Variants in PFKFB3 observed in about 807,000 individuals in gnomAD.
PFKFB3 encodes the protein 6-phosphofructo-2-kinase/fructose-2,6-biphosphatase 3.
Under a neutral mutation model 68.0 loss-of-function variants are expected in PFKFB3, and 33 were observed. The observed-to-expected ratio is 0.49, with a 90% confidence interval of 0.37 to 0.65. PFKFB3 has a LOEUF of 0.65. Ranked by LOEUF, PFKFB3 falls within the 30% of genes least tolerant of loss-of-function variation. PFKFB3 has a pLI of 0.00. For synonymous variants in PFKFB3, 315 were observed against 288.2 expected, an observed-to-expected ratio of 1.09 and a Z score of -0.94; for missense variants, 586 against 712.2, an observed-to-expected ratio of 0.82 and a Z score of 2.02.
At chr10:6,211,741 T>C (rs1171951484) in intron 1 of PFKFB3, among the ~76,000 whole-genome samples, 1 of 152,210 alleles carries the variant, frequency 6.6e-6, no homozygotes, top group Admixed American at 6.5e-5. Flanking sequence ...TCTAGGTCAC[T>C]GGACATCAAG....
chr10:6,268,172 G>A, the PFKFB3 span, among the ~76,000 whole-genome samples: 1 of 152,062 alleles, frequency 6.6e-6, no homozygotes, highest in Non-Finnish European at 1.5e-5. Context: ...GTTGAGATTA[G>A]GTGTGGAATT....
At chr10:6,249,441 A>G (rs552367222) in intron 14 of PFKFB3, among the ~76,000 whole-genome samples, 3 of 152,372 alleles carry the variant, frequency 2.0e-5, no homozygotes, top group Admixed American at 6.5e-5. Flanking sequence ...TGGAACCAAC[A>G]TAAGTGTTCA....
At position 6,207,010 on chromosome 10, in the gene PFKFB3, G is replaced by T. The variant is rs1843815064; in HGVS notation, c.76+3674G>T. On this transcript the variant is annotated intron_variant, in intron 1 of 14. Transcript: ENST00000379775. ...CCCAGACGATGGGTGGCCAGGCAGAGACGCTCCTCACTTCCCAGATGGGGT... is the reference window on the plus strand; with the variant it reads ...CCCAGACGATGGGTGGCCAGGCAGATACGCTCCTCACTTCCCAGATGGGGT... Among the ~76,000 whole-genome samples the T allele has an allele frequency of 1.3e-5, 2 of 150,182 alleles. 1 individual carries two copies.
downstream of PFKFB3, among the ~76,000 whole-genome samples, chr10:6,240,276 T>C (rs1382508275): frequency 6.6e-6 from 1 of 152,020 alleles, no homozygotes; most frequent in Non-Finnish European, 1.5e-5. Flanking sequence ...AGTAGGTATG[T>C]ATTTTTGAGA....
At chr10:6,300,465 G>A in the PFKFB3 span, among the ~76,000 whole-genome samples, 5 of 152,142 alleles carry the variant, frequency 3.3e-5, no homozygotes, top group African/African-American at 4.8e-5. Context: ...CCATGCCCCC[G>A]GCAGCTCCCT....
chr10:6,221,281 C>A, intron 8 of PFKFB3, 100 bp from the exon 9 acceptor site: 1 of 1,429,640 alleles, frequency 7.0e-7, no homozygotes, highest in Non-Finnish European at 9.5e-7. Flanking sequence ...ACGGTGTAAC[C>A]AGGTAGTGCA....
intron 1 of PFKFB3, among the ~76,000 whole-genome samples, chr10:6,159,240 C>T (rs1659823020): frequency 6.6e-6 from 1 of 151,830 alleles, no homozygotes; most frequent in African/African-American, 2.4e-5. Flanking sequence ...ACTAGAAATA[C>T]AAAAATTAGC....
chr10:6,206,300 T>G (rs4750081), intron 1 of PFKFB3, among the ~76,000 whole-genome samples: 29,439 of 141,218 alleles, frequency 0.21, 3,447 homozygotes, highest in East Asian at 0.41. Flanking sequence ...TCCCAAGGCA[T>G]AAGAATTTTT....
intron 14 of PFKFB3, among the ~76,000 whole-genome samples, chr10:6,250,957 C>T (rs1195266961): frequency 6.6e-6 from 1 of 152,134 alleles, no homozygotes; most frequent in East Asian, 1.9e-4. Flanking sequence ...CATCTTGTGA[C>T]CTTTCACGAG....
intron 1 of PFKFB3, among the ~76,000 whole-genome samples, chr10:6,181,234 T>A (rs1008125930): frequency 6.6e-6 from 1 of 152,226 alleles, no homozygotes; most frequent in African/African-American, 2.4e-5. Context: ...TTGGCTCTGC[T>A]GGTCTCAAAC....
intron 1 of PFKFB3, among the ~76,000 whole-genome samples, chr10:6,186,873 T>C (rs1241419119): frequency 6.6e-6 from 1 of 152,168 alleles, no homozygotes; most frequent in Non-Finnish European, 1.5e-5. Flanking sequence ...AGGAAGAAGA[T>C]ACTGTGGCTG....
Position 6,203,143 on chromosome 10 carries a change from C to A in PFKFB3, c.-118C>A. ...TTCCCCTGGCAGCGCAGGAAACGCC[C>A]GGCCGCGCGCCGGCGCACGCCCCCC... is the stretch of plus-strand genomic sequence containing the variant. On this transcript the variant is annotated 5_prime_UTR_variant, in exon 1 of 15. Transcript: ENST00000379775. The A allele has an allele frequency of 6.7e-7, 1 of 1,497,578 alleles. No homozygotes were observed. Among genetic ancestry groups the A allele is most frequent in the South Asian group, 1.3e-5 (1 of 77,962 alleles). 92.8% of individuals were successfully genotyped at this position (1,497,578 alleles called of 1,614,324 possible). A position where few individuals can be genotyped will look rare whatever the true frequency, so the allele number is the denominator to read the frequency against.
intron 1 of PFKFB3, chr10:6,146,309 A>C: frequency 6.6e-7 from 1 of 1,517,028 alleles, no homozygotes; most frequent in African/African-American, 1.4e-5. Context: ...GAGGGTGCCT[A>C]GGTATCAGCG....
the PFKFB3 span, among the ~76,000 whole-genome samples, chr10:6,272,323 C>A: frequency 6.6e-6 from 1 of 152,144 alleles, no homozygotes; most frequent in African/African-American, 2.4e-5. Context: ...TTCCAATTGC[C>A]CTATTAGGAC....
chr10:6,222,759 G>A (rs1340663902), intron 10 of PFKFB3, 96 bp from the exon 11 acceptor site: 1 of 1,325,380 alleles, frequency 7.5e-7, no homozygotes, highest in Non-Finnish European at 1.0e-6. Context: ...GATTGATTTT[G>A]CGTGGCTCTC....
chr10:6,317,500 A>C, the PFKFB3 span, among the ~76,000 whole-genome samples: 2 of 152,188 alleles, frequency 1.3e-5, no homozygotes, highest in African/African-American at 2.4e-5. Flanking sequence ...ATCAGGGCAA[A>C]GGAGGGAGCA....
At chr10:6,293,597 T>G in the PFKFB3 span, 1 of 208,868 alleles carries the variant, frequency 4.8e-6, no homozygotes, top group African/African-American at 2.4e-5. Flanking sequence ...CTGCCTGCCT[T>G]GGCCTCCCAA....
the PFKFB3 span, among the ~76,000 whole-genome samples, chr10:6,286,910 T>G: frequency 6.6e-6 from 1 of 152,218 alleles, no homozygotes; most frequent in East Asian, 1.9e-4. Flanking sequence ...CTTTAACCTT[T>G]TTAATTGGTT....
chr10:6,201,419 G>C (rs554466943), upstream of PFKFB3, among the ~76,000 whole-genome samples: 3,176 of 151,222 alleles, frequency 0.021, 114 homozygotes, highest in African/African-American at 0.074. The surrounding 1 kb of genome is among the most constrained non-coding windows in gnomAD (Gnocchi z 4.1). Context: ...GGCGGCGCGG[G>C]GGGCGGGGTG....
Sources: gnomAD v4.1 joint callset for allele counts (sites outside exome capture counted in the v4.1 genomes callset) on GRCh38, gnomAD v4.1.1 for gene constraint, Gnocchi (gnomAD v3.1) non-coding constraint, MANE v1.5 for transcripts, NCBI Gene and HGNC (gene_info 2026-07-23, HGNC 2026-07-21) for gene names.